Variants in PPP1R18 observed in about 807,000 individuals in gnomAD.
The protein encoded by PPP1R18 is phostensin.
PPP1R18 carries 31 observed loss-of-function variants against 54.8 expected under a neutral mutation model. The ratio of observed to expected loss-of-function variants is 0.57; its 90% CI spans 0.43 to 0.76. PPP1R18 has a LOEUF of 0.76. Ranked by LOEUF, PPP1R18 falls within the 30% of genes least tolerant of loss-of-function variation. The probability of loss-of-function intolerance (pLI) is 0.00; values close to 1 mark genes in which losing one functional copy is unlikely to be tolerated. For synonymous variants in PPP1R18, 310 were observed against 320.2 expected (o/e 0.97, Z 0.34); for missense variants, 685 against 776.1 (o/e 0.88, Z 1.39).
Position 30,685,005 on chromosome 6 carries a change from G to T in PPP1R18, c.1014C>A (p.Ser338=), listed in dbSNP as rs138394556. ...TGGGTGTCCATTCTCGAGCCTTCCC[G>T]GAGTTCAGGGTCCATTTCCACCCTT... The part of the protein sequence containing the change: ...PTEGWKWTLN[S]GKAREWTPRD... The change falls in exon 1 of 3, where the codon TCC becomes TCA. Residue 338 remains serine (S), a synonymous_variant. Transcript: ENST00000274853. The surrounding 1 kb of genome is among the most constrained non-coding windows in gnomAD (Gnocchi z 5.0). 4 of 1,613,100 alleles carry T rather than the reference G, an allele frequency of 2.5e-6. No homozygotes were observed. Among genetic ancestry groups the T allele is most frequent in the Admixed American group, 1.7e-5 (1 of 60,010 alleles).
Position 30,685,646 on chromosome 6 carries a change from T to C in PPP1R18, c.373A>G (p.Ser125Gly), listed in dbSNP as rs1239885337. 1 of 1,613,084 alleles carries C rather than the reference T, an allele frequency of 6.2e-7. No individual in the cohort carries two copies. Among genetic ancestry groups the C allele is most frequent in the African/African-American group, 1.3e-5 (1 of 75,058 alleles). ...CTCTGATCCCGCATCTCCCCAGGGC[T>C]GGGTCTCCGCTCCCGGGCCTCCAGA... ...GPLEARERRP[S>G]PGEMRDQSPK... is the part of the protein sequence containing the mutation. Residue 125 changes from serine (S) to glycine (G), a missense_variant, in exon 1 of 3, where the codon AGC becomes GGC. By Grantham distance (56) the Ser-to-Gly change is moderately conservative. Coordinates refer to ENST00000274853, the MANE Select transcript of PPP1R18 (RefSeq NM_133471.4). This position sits in a 1 kb window ranked among gnomAD's most constrained non-coding sequence, Gnocchi z 5.0.
chr6:30,682,042 C>A (rs1238516033), intron 1 of PPP1R18, among the ~76,000 whole-genome samples: 1 of 152,222 alleles, frequency 6.6e-6, no homozygotes, highest in South Asian at 2.1e-4. Context: ...TTCTGGGAAC[C>A]CATTTTTGTT....
Position 30,686,118 on chromosome 6 carries a change from G to A in PPP1R18, c.-100C>T. 2 of 1,266,560 alleles carry A rather than the reference G, an allele frequency of 1.6e-6. No homozygotes were observed. Among genetic ancestry groups the A allele is most frequent in the Non-Finnish European group, 1.1e-6 (1 of 922,168 alleles). The allele number at this position is 1,266,560 out of a possible 1,614,324, so 78.5% of individuals were successfully genotyped here. A position where few individuals can be genotyped will look rare whatever the true frequency, so the allele number is the denominator to read the frequency against. ...CCGGGGGTGAGACTGAGGGTGGGAG[G>A]AGAGGAAGTGGAGGGGGAGAGGTGG... is the stretch of plus-strand genomic sequence containing the variant. On this transcript the variant is annotated 5_prime_UTR_variant, in exon 1 of 3. Coordinates refer to ENST00000274853, the MANE Select transcript of PPP1R18 (RefSeq NM_133471.4).
intron 1 of PPP1R18, among the ~76,000 whole-genome samples, chr6:30,680,487 G>A (rs1241674284): frequency 6.6e-6 from 1 of 152,128 alleles, no homozygotes; most frequent in Non-Finnish European, 1.5e-5. Flanking sequence ...GGTATGAAAA[G>A]AGAGAAGCCA....
rs1259116430 is a variant in PPP1R18 at position 30,685,081 on chromosome 6, G to C, written c.938C>G (p.Ala313Gly). ...ATCTTCCACAGGCCTCTGCTCTGCT[G>C]CCTCCACTCCTGCGGAACTGTTGCC... ...AQGNSSAGVE[A>G]AEQRPVEDGE... Residue 313 changes from alanine to glycine, a missense_variant, in exon 1 of 3, where the codon GCA becomes GGA. Ala to Gly is a moderately conservative substitution (Grantham distance 60). Transcript: ENST00000274853. The surrounding 1 kb of genome is among the most constrained non-coding windows in gnomAD (Gnocchi z 5.0). 1.4e-5 allele frequency: 22 copies of C among 1,613,084 alleles called. No homozygotes were observed. The highest frequency in any genetic ancestry group is 1.8e-5 in the Non-Finnish European group (21 of 1,180,016).
intron 1 of PPP1R18, among the ~76,000 whole-genome samples, chr6:30,682,229 T>G (rs1770587194): frequency 6.7e-6 from 1 of 150,236 alleles, no homozygotes; most frequent in Non-Finnish European, 1.5e-5. Context: ...TGCATGGGAG[T>G]GGGGGGGTAG....
rs752529778 is a variant in PPP1R18, at chr6:30,684,450, G to A, written c.1569C>T (p.Arg523=). ...CGGGGGACCCCTTGGCAAGGCAGCT[G>A]CGGCTGAGACGGAGGTAGCCCCCCA... is the stretch of plus-strand genomic sequence containing the variant. ...LVLGGYLRLS[R]SCLAKGSPER... is the part of the protein sequence containing the mutation. Residue 523 remains arginine, a synonymous_variant, in exon 1 of 3, where the codon CGC becomes CGT. Coordinates refer to ENST00000274853, the MANE Select transcript of PPP1R18 (RefSeq NM_133471.4). This position sits in a 1 kb window ranked among gnomAD's most constrained non-coding sequence, Gnocchi z 6.0. 13 of 1,599,128 alleles carry A rather than the reference G, an allele frequency of 8.1e-6. No homozygotes were observed. Among genetic ancestry groups the A allele is most frequent in the Middle Eastern group, 1.7e-4 (1 of 5,996 alleles).
chr6:30,686,113 G>T lies in PPP1R18; in HGVS notation c.-95C>A. On this transcript the variant is annotated 5_prime_UTR_variant, in exon 1 of 3. Coordinates refer to ENST00000274853, the MANE Select transcript of PPP1R18 (RefSeq NM_133471.4). The stretch of plus-strand genomic sequence containing the variant: ...ACAGCCCGGGGGTGAGACTGAGGGT[G>T]GGAGGAGAGGAAGTGGAGGGGGAGA... 1 of 1,314,932 alleles carries T rather than the reference G, an allele frequency of 7.6e-7. No homozygotes were observed. Among genetic ancestry groups the T allele is most frequent in the Non-Finnish European group, 1.0e-6 (1 of 966,080 alleles). The allele number at this position is 1,314,932 out of a possible 1,614,324, so 81.5% of individuals were successfully genotyped here.
rs1415828861 is a variant in PPP1R18, at chr6:30,684,507, C to T, written c.1512G>A (p.Lys504=). Residue 504 remains lysine, a synonymous_variant, in exon 1 of 3, where the codon AAG becomes AAA. Transcript: ENST00000274853. The surrounding 1 kb of genome is among the most constrained non-coding windows in gnomAD (Gnocchi z 6.0). ...AGATCTCCTCGGCAGTTGGGTACCG[C>T]TTCTTCCCAGCCCCCGGGACTGCAG... is the stretch of plus-strand genomic sequence containing the variant. ...VDAAVPGAGK[K]RYPTAEEILV... 2 of 1,612,664 alleles carry T rather than the reference C, an allele frequency of 1.2e-6. No homozygotes were observed. Among genetic ancestry groups the T allele is most frequent in the Admixed American group, 1.7e-5 (1 of 59,942 alleles).
Position 30,685,520 on chromosome 6 carries a change from G to C in PPP1R18, c.499C>G (p.Leu167Val). The C allele has an allele frequency of 6.2e-7, 1 of 1,613,026 alleles. No homozygotes were observed. Among genetic ancestry groups the C allele is most frequent in the South Asian group, 1.1e-5 (1 of 91,080 alleles). Residue 167 changes from leucine (L) to valine (V), a missense_variant, in exon 1 of 3, where the codon CTG (leucine) becomes GTG (valine). Leu to Val is a conservative substitution (Grantham distance 32, BLOSUM62 1). Coordinates refer to ENST00000274853, the MANE Select transcript of PPP1R18 (RefSeq NM_133471.4). This position sits in a 1 kb window ranked among gnomAD's most constrained non-coding sequence, Gnocchi z 5.0. ...GGAQELSLRP[L>V]EARDWRQSPG... The stretch of plus-strand genomic sequence containing the variant: ...CTTTGCCTCCAGTCCCGAGCCTCCA[G>C]AGGCCTCAGGCTCAACTCTTGGGCT...
At chr6:30,680,683 C>T (rs1037881942) in intron 1 of PPP1R18, among the ~76,000 whole-genome samples, 1 of 151,810 alleles carries the variant, frequency 6.6e-6, no homozygotes, top group African/African-American at 2.4e-5. Flanking sequence ...AAAAAGAAAA[C>T]CAGATATGAC....
At chr6:30,681,418 C>A (rs963603483) in intron 1 of PPP1R18, among the ~76,000 whole-genome samples, 2 of 152,050 alleles carry the variant, frequency 1.3e-5, no homozygotes, top group Non-Finnish European at 2.9e-5. Context: ...CACTTACCAC[C>A]TTCTAACTTA....
At position 30,684,789 on chromosome 6, in the gene PPP1R18, A is replaced by T. The variant is rs781397084; in HGVS notation, c.1230T>A (p.Thr410=). The part of the protein sequence containing the change: ...PSPLPPEDAG[T]GGLRQQEEEA... ...CCTCTTCCTGCTGTCTCAGGCCTCC[A>T]GTCCCAGCGTCCTCTGGTGGGAGGG... Residue 410 remains threonine, a synonymous_variant, in exon 1 of 3, where the codon ACT becomes ACA. Transcript: ENST00000274853. The surrounding 1 kb of genome is among the most constrained non-coding windows in gnomAD (Gnocchi z 6.0). 1.2e-6 allele frequency: 2 copies of T among 1,605,566 alleles called. No individual in the cohort carries two copies. The highest frequency in any genetic ancestry group is 3.4e-5 in the Admixed American group (2 of 59,152).
chr6:30,685,271 C>T lies in PPP1R18; in HGVS notation c.748G>A (p.Glu250Lys), dbSNP rs747868346. The change falls in exon 1 of 3, where the codon GAA becomes AAA. Residue 250 changes from glutamate to lysine, a missense_variant. Glu to Lys is a moderately conservative substitution (Grantham distance 56). Transcript: ENST00000274853. The surrounding 1 kb of genome is among the most constrained non-coding windows in gnomAD (Gnocchi z 5.0). ...KWRPDSRESQ[E>K]QSLVQLEATE... ...GCCTCCAGTTGTACCAAACTCTGTTCCTGAGACTCTCTGGAGTCAGGTCTC... is the reference window on the plus strand; with the variant it reads ...GCCTCCAGTTGTACCAAACTCTGTTTCTGAGACTCTCTGGAGTCAGGTCTC... The T allele has an allele frequency of 6.2e-7, 1 of 1,613,114 alleles. No homozygotes were observed. The highest frequency in any genetic ancestry group is 8.5e-7 in the Non-Finnish European group (1 of 1,180,032).
Position 30,679,390 on chromosome 6 carries a change from C to A in PPP1R18, c.1612-1G>T. ...CTGTCTCGCTGAAGGAGATCTTAAGCTGAAGGAGGGAGAAAAAGGGGGCAG... is the reference window on the plus strand; with the variant it reads ...CTGTCTCGCTGAAGGAGATCTTAAGATGAAGGAGGGAGAAAAAGGGGGCAG... On this transcript the variant is annotated splice_acceptor_variant, in intron 1 of 2. Coordinates refer to ENST00000274853, the MANE Select transcript of PPP1R18 (RefSeq NM_133471.4). LOFTEE classifies it high-confidence loss of function. 1 of 1,579,162 alleles carries A rather than the reference C, an allele frequency of 6.3e-7. No individual in the cohort carries two copies.
Position 30,684,696 on chromosome 6 carries a change from G to T in PPP1R18, c.1323C>A (p.Pro441=). Residue 441 remains proline (P), a synonymous_variant, in exon 1 of 3, where the codon CCC becomes CCA. Coordinates refer to ENST00000274853, the MANE Select transcript of PPP1R18 (RefSeq NM_133471.4). The surrounding 1 kb of genome is among the most constrained non-coding windows in gnomAD (Gnocchi z 6.0). Reference sequence around the variant, plus strand: ...TCATGAGGGGATCCCCAGGAGGTTGGGGGGCAGTTGGGGCTGGGGGTGGGG... The same window carrying T: ...TCATGAGGGGATCCCCAGGAGGTTGTGGGGCAGTTGGGGCTGGGGGTGGGG... ...LSPPPPAPTA[P]QPPGDPLMSR... The T allele has an allele frequency of 6.8e-7, 1 of 1,479,460 alleles. No individual in the cohort carries two copies. Among genetic ancestry groups the T allele is most frequent in the Non-Finnish European group, 9.0e-7 (1 of 1,109,264 alleles). The allele number at this position is 1,479,460 out of a possible 1,614,324, so 91.6% of individuals were successfully genotyped here.
Position 30,684,553 on chromosome 6 carries a change from G to A in PPP1R18, c.1466C>T (p.Thr489Ile), listed in dbSNP as rs1221175924. Reference sequence around the variant, plus strand: ...TGCAGCATCAACTGTGGCTGGAGAGGTTGGGGTGGCTGGGGTCGCAGGGGG... The same window carrying A: ...TGCAGCATCAACTGTGGCTGGAGAGATTGGGGTGGCTGGGGTCGCAGGGGG... The part of the protein sequence containing the change: ...SVPPATPATP[T>I]SPATVDAAVP... Residue 489 changes from threonine (T) to isoleucine (I), a missense_variant, in exon 1 of 3, where the codon ACC becomes ATC. Transcript: ENST00000274853. This position sits in a 1 kb window ranked among gnomAD's most constrained non-coding sequence, Gnocchi z 6.0. 2 of 1,612,014 alleles carry A rather than the reference G, an allele frequency of 1.2e-6. No individual in the cohort carries two copies. The highest frequency in any genetic ancestry group is 1.7e-6 in the Non-Finnish European group (2 of 1,179,584).
chr6:30,683,807 C>T lies in PPP1R18; in HGVS notation c.1611+601G>A, dbSNP rs1331889947. 6.6e-6 allele frequency among the ~76,000 whole-genome samples: 1 copy of T among 152,082 alleles called. No homozygotes were observed. The highest frequency in any genetic ancestry group is 1.5e-5 in the Non-Finnish European group (1 of 68,000). On this transcript the variant is annotated intron_variant, in intron 1 of 2. Transcript: ENST00000274853. This position sits in a 1 kb window ranked among gnomAD's most constrained non-coding sequence, Gnocchi z 5.1. ...GACTCGGGGTTCAAAAGCCTTCTCT[C>T]TGATCTTTGGCCGGCCCGGTTCCAT...
At chr6:30,679,109 C>T in intron 2 of PPP1R18, 70 bp downstream of exon 2, 1 of 1,358,910 alleles carries the variant, frequency 7.4e-7, no homozygotes, top group Non-Finnish European at 1.0e-6. Flanking sequence ...ATCCTCCCTC[C>T]TCTCTCCTGG....
Sources: gnomAD v4.1 joint callset for allele counts (sites outside exome capture counted in the v4.1 genomes callset) on GRCh38, gnomAD v4.1.1 for gene constraint, Gnocchi (gnomAD v3.1) non-coding constraint, MANE v1.5 for transcripts, NCBI Gene and HGNC (gene_info 2026-07-23, HGNC 2026-07-21) for gene names.